SEC23IP: variants seen among roughly 807,000 people sequenced by gnomAD.
SEC23IP encodes the protein SEC23-interacting protein.
Under a neutral mutation model 113.4 loss-of-function variants are expected in SEC23IP, and 70 were observed. The observed-to-expected ratio is 0.62, with a 90% CI of 0.51 to 0.75. The LOEUF is 0.75. SEC23IP is among the 30% of genes least tolerant of loss of function. SEC23IP has a pLI of 0.00. For missense variants in SEC23IP, 1,160 were observed against 1,204.9 expected (o/e 0.96, Z 0.55); for synonymous variants, 398 against 421.0 (o/e 0.95, Z 0.67).
intron 17 of SEC23IP, 145 bp downstream of exon 17, chr10:119,933,312 T>C: frequency 1.3e-6 from 1 of 750,430 alleles, no homozygotes; most frequent in Non-Finnish European, 2.2e-6. Context: ...TCGTTATTTT[T>C]CCCCCTTAGT....
chr10:119,927,083 A>T (rs1278553016), intron 13 of SEC23IP, among the ~76,000 whole-genome samples: 2 of 152,090 alleles, frequency 1.3e-5, no homozygotes, highest in Non-Finnish European at 2.9e-5. Flanking sequence ...CATTTTTTGT[A>T]GAGACAGTCT....
intron 6 of SEC23IP, 125 bp from the exon 7 acceptor site, chr10:119,914,605 C>G (rs1480068631): frequency 3.9e-6 from 3 of 766,700 alleles, no homozygotes; most frequent in Non-Finnish European, 6.8e-6. Context: ...GGCTTATTCT[C>G]TTTGAAGGGT....
intron 6 of SEC23IP, chr10:119,914,433 G>A (rs1854975618): frequency 2.8e-6 from 1 of 362,072 alleles, no homozygotes; most frequent in Non-Finnish European, 5.1e-6. Flanking sequence ...GAGTTCTGAA[G>A]CATCACAAGG....
chr10:119,904,353 A>T (rs1351866486), intron 4 of SEC23IP, 76 bp downstream of exon 4: 1 of 1,281,288 alleles, frequency 7.8e-7, no homozygotes, highest in East Asian at 2.3e-5. Flanking sequence ...AACATCATTC[A>T]CAGTGGAGCG....
chr10:119,892,821 C>T lies in SEC23IP; in HGVS notation c.39C>T (p.Ala13=), dbSNP rs200080021. 3.7e-6 allele frequency: 6 copies of T among 1,612,960 alleles called. No individual in the cohort carries two copies. The highest frequency in any genetic ancestry group is 1.7e-5 in the Admixed American group (1 of 59,934). Residue 13 remains alanine, a synonymous_variant, in exon 1 of 19, where the codon GCC becomes GCT. Coordinates refer to ENST00000369075, the MANE Select transcript of SEC23IP (RefSeq NM_007190.4). ...AACCTAACGGTGGCAGCGGCGGCGCCTCCACTTCCTCATCGGGCACTAACT... is the reference window on the plus strand; with the variant it reads ...AACCTAACGGTGGCAGCGGCGGCGCTTCCACTTCCTCATCGGGCACTAACT... ...ERKPNGGSGG[A]STSSSGTNLL...
chr10:119,903,020 G>A lies in SEC23IP; in HGVS notation c.907+11G>A. On this transcript the variant is annotated intron_variant, in intron 3 of 18. Coordinates refer to ENST00000369075, the MANE Select transcript of SEC23IP (RefSeq NM_007190.4). ...AAATCTATAATTCAGGTAAACATTGGTCATACATCATTCATATCTGATTTT... is the reference window on the plus strand; with the variant it reads ...AAATCTATAATTCAGGTAAACATTGATCATACATCATTCATATCTGATTTT... 2 of 1,592,354 alleles carry A rather than the reference G, an allele frequency of 1.3e-6. No individual in the cohort carries two copies. The highest frequency in any genetic ancestry group is 1.1e-5 in the South Asian group (1 of 90,284).
chr10:119,913,499 T>C (rs1379886648), intron 6 of SEC23IP, among the ~76,000 whole-genome samples: 1 of 151,432 alleles, frequency 6.6e-6, no homozygotes, highest in African/African-American at 2.4e-5. Flanking sequence ...CATAAAGCTT[T>C]TTTTTTTTTT....
At chr10:119,921,463 G>C (rs896322381) in intron 12 of SEC23IP, among the ~76,000 whole-genome samples, 2 of 152,054 alleles carry the variant, frequency 1.3e-5, no homozygotes, top group African/African-American at 4.8e-5. Context: ...TAATTTTTCT[G>C]ATCCTTTGTT....
rs777649406 is a variant in SEC23IP, at chr10:119,918,026, G to C, written c.1735G>C (p.Val579Leu). 6.2e-7 allele frequency: 1 copy of C among 1,613,766 alleles called. No individual in the cohort carries two copies. Among genetic ancestry groups the C allele is most frequent in the Non-Finnish European group, 8.5e-7 (1 of 1,179,780 alleles). The change falls in exon 9 of 19, where the codon GTT becomes CTT. Residue 579 changes from valine (V) to leucine (L), a missense_variant. Val to Leu is a conservative substitution (Grantham distance 32). Coordinates refer to ENST00000369075, the MANE Select transcript of SEC23IP (RefSeq NM_007190.4). Reference protein sequence around the residue: ...RNPDFKGGVSVAGHSLGSLIL... With the variant: ...RNPDFKGGVSLAGHSLGSLIL... The stretch of plus-strand genomic sequence containing the variant: ...CCCAGACTTCAAAGGAGGTGTCTCT[G>C]TTGCTGGTCACAGTTTAGGTAAAAC...
chr10:119,920,837 C>A, intron 11 of SEC23IP, 52 bp from the exon 12 acceptor site: 2 of 1,202,806 alleles, frequency 1.7e-6, no homozygotes, highest in Non-Finnish European at 1.2e-6. Context: ...ATTCTCATTT[C>A]AGTTCTTCTA....
intron 6 of SEC23IP, among the ~76,000 whole-genome samples, chr10:119,912,879 C>T (rs949558567): frequency 2.0e-5 from 3 of 151,868 alleles, no homozygotes; most frequent in African/African-American, 7.3e-5. Flanking sequence ...GGCCTCAAGT[C>T]ATCCACCTGC....
At chr10:119,893,195 C>T (rs1261867236) in intron 1 of SEC23IP, among the ~76,000 whole-genome samples, 1 of 152,152 alleles carries the variant, frequency 6.6e-6, no homozygotes, top group Non-Finnish European at 1.5e-5. Context: ...CGTACCCTGG[C>T]ATTCCGCAAA....
chr10:119,915,930 T>A, intron 8 of SEC23IP, 41 bp downstream of exon 8: 7 of 1,413,076 alleles, frequency 5.0e-6, no homozygotes, highest in Non-Finnish European at 6.5e-6. Flanking sequence ...ATTAGTCATA[T>A]TTAAATTTAA....
chr10:119,900,507 C>G (rs1310917388), intron 2 of SEC23IP, among the ~76,000 whole-genome samples: 1 of 151,896 alleles, frequency 6.6e-6, no homozygotes, highest in Non-Finnish European at 1.5e-5. Context: ...GAAATGAGGT[C>G]TCACTATGTT....
At chr10:119,915,264 T>C (rs1001125758) in intron 7 of SEC23IP, among the ~76,000 whole-genome samples, 1 of 152,216 alleles carries the variant, frequency 6.6e-6, no homozygotes, top group African/African-American at 2.4e-5. Context: ...CTTAGATGCC[T>C]TGTCATTTGA....
chr10:119,923,534 G>A (rs925079880), intron 12 of SEC23IP, among the ~76,000 whole-genome samples: 1 of 151,388 alleles, frequency 6.6e-6, no homozygotes, highest in Non-Finnish European at 1.5e-5. Context: ...TGATAGTCAA[G>A]TATGTATATG....
rs758785006 is a variant in SEC23IP at position 119,919,510 on chromosome 10, C to G, written c.1939C>G (p.Leu647Val). ...CCTTGTTGTTGAAAATAAAGAAGTC[C>G]TAACTTTGCAAGAAACTCTGGAAGC... The part of the protein sequence containing the change: ...YDLVVENKEV[L>V]TLQETLEALS... Residue 647 changes from leucine to valine, a missense_variant, in exon 11 of 19, where the codon CTA becomes GTA. By Grantham distance (32) the Leu-to-Val change is conservative (BLOSUM62 1). Coordinates refer to ENST00000369075, the MANE Select transcript of SEC23IP (RefSeq NM_007190.4). 1.9e-6 allele frequency: 3 copies of G among 1,613,354 alleles called. No homozygotes were observed.
Position 119,929,379 on chromosome 10 carries a change from G to A in SEC23IP, c.2314-228G>A, listed in dbSNP as rs752923818. Among the ~76,000 whole-genome samples, 17 of 152,024 alleles carry A rather than the reference G, an allele frequency of 1.1e-4. No individual in the cohort carries two copies. In the East Asian group the frequency reaches 1.4e-3, roughly 12 times the overall value. ...CTCCCAAGTAGCTGGAACTACAGGCGCATGCCACCATGCCTGGCTAATTGT... is the reference window on the plus strand; with the variant it reads ...CTCCCAAGTAGCTGGAACTACAGGCACATGCCACCATGCCTGGCTAATTGT... On this transcript the variant is annotated intron_variant, in intron 13 of 18. Coordinates refer to ENST00000369075, the MANE Select transcript of SEC23IP (RefSeq NM_007190.4).
At chr10:119,922,230 T>C (rs905529516) in intron 12 of SEC23IP, among the ~76,000 whole-genome samples, 1 of 152,024 alleles carries the variant, frequency 6.6e-6, no homozygotes, top group Non-Finnish European at 1.5e-5. Context: ...GTGCTTGAGC[T>C]TGAAGGAGGG....
Sources: gnomAD v4.1 joint callset for allele counts (sites outside exome capture counted in the v4.1 genomes callset) on GRCh38, gnomAD v4.1.1 for gene constraint, MANE v1.5 for transcripts, NCBI Gene and HGNC (gene_info 2026-07-23, HGNC 2026-07-21) for gene names.